Variants in ADAMTSL1 observed in about 807,000 individuals in gnomAD.
ADAMTSL1 encodes the protein ADAMTS-like protein 1.
In ADAMTSL1, 126 loss-of-function variants were observed where a neutral mutation model predicts 201.8. That is an observed-to-expected ratio of 0.62 (90% confidence interval 0.54 to 0.72). The LOEUF (loss-of-function observed/expected upper bound fraction) is 0.72, where lower values mean the gene tolerates loss of function less well. Ranked by LOEUF, ADAMTSL1 falls within the 30% of genes least tolerant of loss-of-function variation. The pLI is 0.00. For missense variants in ADAMTSL1, 2,679 were observed against 2,277.8 expected, an observed-to-expected ratio of 1.18 and a Z score of -3.59; for synonymous variants, 1,121 against 903.4, an observed-to-expected ratio of 1.24 and a Z score of -4.32.
At chr9:17,993,682 G>T (rs770256851) in intron 1 of ADAMTSL1, among the ~76,000 whole-genome samples, 8 of 152,112 alleles carry the variant, frequency 5.3e-5, no homozygotes, top group Admixed American at 2.0e-4. Flanking sequence ...CTAAGTTGGG[G>T]AGATCCTTCA....
chr9:18,797,941 T>C (rs1280831883), intron 20 of ADAMTSL1, among the ~76,000 whole-genome samples: 1 of 152,208 alleles, frequency 6.6e-6, no homozygotes, highest in Non-Finnish European at 1.5e-5. Context: ...TCTTTCAGTA[T>C]GTGTCTTAAC....
chr9:18,427,717 T>C (rs369649372), intron 2 of ADAMTSL1, among the ~76,000 whole-genome samples: 15 of 152,230 alleles, frequency 9.9e-5, no homozygotes, highest in African/African-American at 2.9e-4. Flanking sequence ...CTTCAGGAGA[T>C]AAGCACAAAG....
At chr9:18,676,265 C>G (rs946669001) in intron 10 of ADAMTSL1, among the ~76,000 whole-genome samples, 1 of 152,026 alleles carries the variant, frequency 6.6e-6, no homozygotes, top group Non-Finnish European at 1.5e-5. Flanking sequence ...CTGTTGCTAA[C>G]TATTAAACAA....
intron 2 of ADAMTSL1, among the ~76,000 whole-genome samples, chr9:18,526,951 A>G (rs992791055): frequency 6.6e-6 from 1 of 152,110 alleles, no homozygotes; most frequent in Non-Finnish European, 1.5e-5. Flanking sequence ...TTCTCTTGTA[A>G]AGAGCTCATA....
intron 19 of ADAMTSL1, among the ~76,000 whole-genome samples, chr9:18,790,139 C>G (rs1489808840): frequency 3.3e-5 from 5 of 152,252 alleles, no homozygotes; most frequent in Middle Eastern, 3.4e-3. Context: ...TAAACTGAGA[C>G]CTTTTTACTT....
intron 1 of ADAMTSL1, among the ~76,000 whole-genome samples, chr9:18,017,022 T>C (rs562922387): frequency 3.3e-5 from 5 of 152,174 alleles, no homozygotes; most frequent in Non-Finnish European, 7.4e-5. Context: ...CTGGATACTT[T>C]CCCTTCTCTT....
intron 20 of ADAMTSL1, among the ~76,000 whole-genome samples, chr9:18,807,517 C>T (rs1053094982): frequency 1.3e-5 from 2 of 152,032 alleles, no homozygotes; most frequent in Non-Finnish European, 2.9e-5. Context: ...CAGTGGCAGG[C>T]GCCTGTAGTC....
chr9:18,175,339 C>T (rs553315559), intron 2 of ADAMTSL1, among the ~76,000 whole-genome samples: 2 of 152,218 alleles, frequency 1.3e-5, no homozygotes, highest in African/African-American at 4.8e-5. Flanking sequence ...TCCACAAACA[C>T]CAGCTGGCTG....
chr9:18,390,769 T>C (rs1409599838), intron 2 of ADAMTSL1, among the ~76,000 whole-genome samples: 1 of 151,710 alleles, frequency 6.6e-6, no homozygotes, highest in Non-Finnish European at 1.5e-5. Flanking sequence ...CATTCTAGCA[T>C]ACAGATAAAT....
At chr9:17,981,175 C>T (rs545203352) in intron 1 of ADAMTSL1, among the ~76,000 whole-genome samples, 208 of 152,248 alleles carry the variant, frequency 1.4e-3, no homozygotes, top group Middle Eastern at 0.01. Flanking sequence ...GGAAGGTGGC[C>T]CTCTGAAAAC....
At chr9:18,661,192 CT>C (rs1182275333) in intron 8 of ADAMTSL1, among the ~76,000 whole-genome samples, 1 of 152,036 alleles carries the variant, frequency 6.6e-6, no homozygotes, top group Non-Finnish European at 1.5e-5. Context: ...CTCAACAATA[CT>C]TTTTTTAAGA....
intron 12 of ADAMTSL1, among the ~76,000 whole-genome samples, chr9:18,684,425 T>C (rs971668743): frequency 6.6e-6 from 1 of 152,246 alleles, no homozygotes; most frequent in South Asian, 2.1e-4. Context: ...TGATTCTTTA[T>C]ATGCATATTG....
chr9:17,953,353 A>G (rs985824844), intron 1 of ADAMTSL1, among the ~76,000 whole-genome samples: 10 of 152,196 alleles, frequency 6.6e-5, no homozygotes, highest in African/African-American at 2.4e-4. Context: ...TTTCACTGAG[A>G]AGGGAACAAC....
chr9:18,710,078 A>C (rs1199735882), intron 14 of ADAMTSL1, among the ~76,000 whole-genome samples: 1 of 152,068 alleles, frequency 6.6e-6, no homozygotes, highest in Non-Finnish European at 1.5e-5. Flanking sequence ...CCATGGGCCA[A>C]CTCTACTGTG....
chr9:18,846,986 G>A (rs1277787869), intron 23 of ADAMTSL1, among the ~76,000 whole-genome samples: 1 of 152,142 alleles, frequency 6.6e-6, no homozygotes, highest in Non-Finnish European at 1.5e-5. Context: ...GAGCTACATG[G>A]GTGTGTAATG....
At chr9:18,448,045 C>G (rs560409632) in intron 2 of ADAMTSL1, among the ~76,000 whole-genome samples, 161 of 152,286 alleles carry the variant, frequency 1.1e-3, no homozygotes, top group African/African-American at 3.6e-3. Context: ...CTCTCTCTCT[C>G]TCTCTGCCAT....
intron 16 of ADAMTSL1, among the ~76,000 whole-genome samples, chr9:18,757,994 A>C (rs906716794): frequency 2.8e-4 from 42 of 152,228 alleles, no homozygotes; most frequent in African/African-American, 9.9e-4. Flanking sequence ...CTTAATCCTC[A>C]CTATCCTATG....
intron 2 of ADAMTSL1, among the ~76,000 whole-genome samples, chr9:18,248,041 T>C (rs1285819893): frequency 1.3e-5 from 2 of 152,184 alleles, no homozygotes; most frequent in African/African-American, 4.8e-5. Flanking sequence ...TCAAAAGGTT[T>C]CTCATTTGTG....
At chr9:17,927,140 T>G (rs1441871791) in intron 1 of ADAMTSL1, among the ~76,000 whole-genome samples, 1 of 152,200 alleles carries the variant, frequency 6.6e-6, no homozygotes, top group Non-Finnish European at 1.5e-5. Context: ...CTTACATAAG[T>G]TGGAATCACA....
Sources: allele counts gnomAD v4.1 joint callset (sites outside exome capture counted in the v4.1 genomes callset), GRCh38; gene constraint gnomAD v4.1.1; transcripts MANE v1.5; gene names NCBI Gene and HGNC (gene_info 2026-07-23, HGNC 2026-07-21).